The following SLC38A8 variants were observed in gnomAD, a reference collection of about 807,000 sequenced individuals.
SLC38A8 encodes the protein solute carrier family 38 member 8, also known as amino acid transporter SLC38A8.
A neutral mutation model predicts 46.0 loss-of-function variants in SLC38A8; 65 were observed. The observed-to-expected ratio is 1.41, with a 90% CI of 1.16 to 1.74. The LOEUF (loss-of-function observed/expected upper bound fraction) is 1.74. SLC38A8 is among the 40% of genes most tolerant of loss of function. The probability of loss-of-function intolerance (pLI) is 0.00; values close to 1 mark genes in which losing one functional copy is unlikely to be tolerated. For synonymous variants in SLC38A8, 447 were observed against 243.7 expected, an observed-to-expected ratio of 1.83 and a Z score of -7.77; for missense variants, 998 against 567.9, an observed-to-expected ratio of 1.76 and a Z score of -7.70.
intron 6 of SLC38A8, among the ~76,000 whole-genome samples, chr16:84,024,636 T>A (rs906969773): frequency 2.6e-5 from 4 of 151,928 alleles, no homozygotes; most frequent in African/African-American, 9.7e-5. Context: ...TAAAAATTAG[T>A]CAGGTGTGGT....
chr16:84,038,863 G>C (rs991189114), intron 2 of SLC38A8, among the ~76,000 whole-genome samples: 2 of 152,222 alleles, frequency 1.3e-5, no homozygotes, highest in African/African-American at 4.8e-5. Flanking sequence ...TTTGCTAAAA[G>C]GCCATTGTCT....
At chr16:84,013,770 G>A (rs531605214) in intron 9 of SLC38A8, among the ~76,000 whole-genome samples, 3 of 150,772 alleles carry the variant, frequency 2.0e-5, no homozygotes, top group East Asian at 2.0e-4. Flanking sequence ...AGGATTCAGG[G>A]CCATGTAGCT....
At chr16:84,016,369 G>C in intron 9 of SLC38A8, 150 bp downstream of exon 9, 1 of 793,060 alleles carries the variant, frequency 1.3e-6, no homozygotes, top group East Asian at 2.7e-5. Flanking sequence ...CCTGTGCCTG[G>C]CTCAATAAAA....
At chr16:84,042,202 C>G in intron 1 of SLC38A8, 43 bp from the exon 2 acceptor site, 6 of 1,552,834 alleles carry the variant, frequency 3.9e-6, no homozygotes, top group Non-Finnish European at 5.2e-6. Flanking sequence ...AGTCTTCACG[C>G]TTTCCTCCCT....
At chr16:84,038,776 G>T (rs937000099) in intron 2 of SLC38A8, among the ~76,000 whole-genome samples, 3 of 152,142 alleles carry the variant, frequency 2.0e-5, no homozygotes, top group East Asian at 1.9e-4. Context: ...CCACCTTTAC[G>T]TAATTCCTGG....
chr16:84,011,992 G>T (rs1386586810), intron 10 of SLC38A8, among the ~76,000 whole-genome samples: 1 of 152,162 alleles, frequency 6.6e-6, no homozygotes, highest in African/African-American at 2.4e-5. Context: ...ACAGGCCAAG[G>T]AGCACCTGGG....
Position 84,036,859 on chromosome 16 carries a change from G to T in SLC38A8, c.231C>A (p.Gly77=), listed in dbSNP as rs749117409. 3.7e-6 allele frequency: 6 copies of T among 1,613,494 alleles called. No individual in the cohort carries two copies. In the South Asian group the frequency reaches 6.6e-5, roughly 18 times the overall value. The change falls in exon 3 of 11, where the codon GGC becomes GGA. Residue 77 remains glycine, a synonymous_variant. Coordinates refer to ENST00000299709, the MANE Select transcript of SLC38A8 (RefSeq NM_001080442.3). ...VFLISGLVIL[G]YAAAVSGQAT... is the part of the protein sequence containing the mutation. ...CCTGGCCACTGACAGCAGCAGCATAGCCCAGGATGACCAGCCCGCTGATCA... is the reference window on the plus strand; with the variant it reads ...CCTGGCCACTGACAGCAGCAGCATATCCCAGGATGACCAGCCCGCTGATCA...
intron 6 of SLC38A8, among the ~76,000 whole-genome samples, chr16:84,028,243 G>A (rs8057940): frequency 0.063 from 9,596 of 152,070 alleles, 457 homozygotes; most frequent in East Asian, 0.19. Flanking sequence ...GGTAGGCAGT[G>A]GATAGGTGGT....
intron 10 of SLC38A8, among the ~76,000 whole-genome samples, chr16:84,010,103 T>A (rs2084936932): frequency 7.4e-6 from 1 of 135,136 alleles, no homozygotes; most frequent in Non-Finnish European, 1.5e-5. Context: ...TGGAGTCTCA[T>A]TCTGTTGCCT....
At chr16:84,019,951 G>T (rs767461045) in intron 7 of SLC38A8, among the ~76,000 whole-genome samples, 1 of 152,232 alleles carries the variant, frequency 6.6e-6, no homozygotes, top group African/African-American at 2.4e-5. Context: ...GCTTTGCCGG[G>T]TACAGCCCAC....
intron 2 of SLC38A8, among the ~76,000 whole-genome samples, chr16:84,040,764 TC>T (rs534665011): frequency 4.6e-5 from 7 of 152,000 alleles, no homozygotes; most frequent in Non-Finnish European, 7.4e-5. Flanking sequence ...TGTCATATCA[TC>T]CCCCGATCCC....
rs114107493 is a variant in SLC38A8 at position 84,017,384 on chromosome 16, G to T, written c.806-97C>A. The T allele has an allele frequency of 8.5e-4, 1,217 of 1,432,704 alleles. 7 individuals are homozygous for T. The African/African-American group carries it at 0.013, about 16-fold the overall frequency. 88.7% of individuals were successfully genotyped at this position (1,432,704 alleles called of 1,614,324 possible). A position where few individuals can be genotyped will look rare whatever the true frequency, so the allele number is the denominator to read the frequency against. ...GACAGCGCCTGGCTTTACCACCTAA[G>T]ATTTTCCTTAGGAGCTGAAAGAAGG... is the stretch of plus-strand genomic sequence containing the variant. On this transcript the variant is annotated intron_variant, in intron 7 of 10. Coordinates refer to ENST00000299709, the MANE Select transcript of SLC38A8 (RefSeq NM_001080442.3).
intron 4 of SLC38A8, among the ~76,000 whole-genome samples, chr16:84,032,929 C>T (rs58144934): frequency 4.8e-5 from 2 of 41,928 alleles, no homozygotes; most frequent in African/African-American, 1.5e-4. Context: ...GGTGTGGGTA[C>T]GTGGGTGTGC....
intron 9 of SLC38A8, 120 bp downstream of exon 9, chr16:84,016,399 T>C (rs2085025797): frequency 8.4e-7 from 1 of 1,187,252 alleles, no homozygotes; most frequent in East Asian, 2.5e-5. Flanking sequence ...ACATGGGGTC[T>C]TAATCCTACC....
At chr16:84,011,934 G>C (rs962595573) in intron 10 of SLC38A8, among the ~76,000 whole-genome samples, 1 of 152,258 alleles carries the variant, frequency 6.6e-6, no homozygotes, top group Admixed American at 6.5e-5. Flanking sequence ...CAGAGACACA[G>C]GGAGAAAGCT....
intron 5 of SLC38A8, among the ~76,000 whole-genome samples, chr16:84,030,097 T>C (rs1056812273): frequency 2.6e-4 from 39 of 152,020 alleles, no homozygotes; most frequent in African/African-American, 9.2e-4. Context: ...TGAGCCTGAA[T>C]CCAATGCCTG....
At chr16:84,020,097 AGACTCTCT>A (rs988264143) in intron 7 of SLC38A8, among the ~76,000 whole-genome samples, 9 of 151,154 alleles carry the variant, frequency 6.0e-5, no homozygotes, top group African/African-American at 2.2e-4. Context: ...GCCCTGGCAG[AGACTCTCT>A]GCAGTTGGAC....
At chr16:84,041,771 G>A (rs766966981) in intron 2 of SLC38A8, among the ~76,000 whole-genome samples, 198 bp downstream of exon 2, 10 of 152,150 alleles carry the variant, frequency 6.6e-5, no homozygotes, top group Non-Finnish European at 1.3e-4. Context: ...TGCCACCAGC[G>A]CCCACGGGGG....
chr16:84,042,159 G>T lies in SLC38A8; in HGVS notation c.-2C>A. The T allele has an allele frequency of 6.2e-7, 1 of 1,607,572 alleles. No individual in the cohort carries two copies. Among genetic ancestry groups the T allele is most frequent in the African/African-American group, 1.3e-5 (1 of 74,750 alleles). ...GCTTCCTGGGGTCTGTCCCTCCATG[G>T]CTAGAGGCGGCAGAGGGGTGGAGAG... On this transcript the variant is annotated splice_region_variant and 5_prime_UTR_variant, in exon 2 of 11. Coordinates refer to ENST00000299709, the MANE Select transcript of SLC38A8 (RefSeq NM_001080442.3).
Sources: allele counts gnomAD v4.1 joint callset (sites outside exome capture counted in the v4.1 genomes callset), GRCh38; gene constraint gnomAD v4.1.1; transcripts MANE v1.5; gene names NCBI Gene and HGNC (gene_info 2026-07-23, HGNC 2026-07-21).